Variants in CSNK1E observed in about 807,000 individuals in gnomAD.
CSNK1E encodes the protein casein kinase I isoform epsilon.
In CSNK1E, 17 loss-of-function variants were observed where a neutral mutation model predicts 46.1. The observed-to-expected ratio is 0.37, with a 90% CI of 0.25 to 0.55. The LOEUF (loss-of-function observed/expected upper bound fraction) is 0.55, where lower values mean the gene tolerates loss of function less well. Ranked by LOEUF, CSNK1E falls within the 20% of genes least tolerant of loss-of-function variation. The pLI, the probability that CSNK1E is intolerant of heterozygous loss-of-function variation, is 0.82. For missense variants in CSNK1E, 386 were observed against 595.4 expected, an observed-to-expected ratio of 0.65 and a Z score of 3.66; for synonymous variants, 241 against 242.6, an observed-to-expected ratio of 0.99 and a Z score of 0.06.
intron 7 of CSNK1E, chr22:38,296,338 G>A (rs913431077): frequency 3.3e-5 from 45 of 1,348,834 alleles, no homozygotes; most frequent in Middle Eastern, 2.7e-4. Context: ...ACTGGACCTC[G>A]GAACACAGTG....
chr22:38,316,897 G>T (rs137963297), intron 1 of CSNK1E: 13,116 of 152,058 alleles, frequency 0.086, 644 homozygotes, highest in East Asian at 0.17. Flanking sequence ...GGCCCAGCGG[G>T]GGGAAGCGGA....
chr22:38,300,451 C>G lies in CSNK1E; in HGVS notation c.565+273G>C, dbSNP rs2092664956. On this transcript the variant is annotated intron_variant, in intron 5 of 10. Coordinates refer to ENST00000396832, the MANE Select transcript of CSNK1E (RefSeq NM_152221.3). The surrounding 1 kb of genome is among the most constrained non-coding windows in gnomAD (Gnocchi z 4.4). ...ACCTTAAGCAACCCATGTTAAACCT[C>G]TGAGCCTGTATCTTCCAGCCTGCAC... Among the ~76,000 whole-genome samples the G allele has an allele frequency of 6.6e-6, 1 of 152,230 alleles. No homozygotes were observed. Among genetic ancestry groups the G allele is most frequent in the African/African-American group, 2.4e-5 (1 of 41,460 alleles).
intron 7 of CSNK1E, chr22:38,296,707 G>A (rs771098036): frequency 6.2e-7 from 1 of 1,609,640 alleles, no homozygotes; most frequent in Non-Finnish European, 8.5e-7. Context: ...AAGAGATCTT[G>A]CTGGCTAGAC....
intron 7 of CSNK1E, chr22:38,297,992 C>T (rs1473876000): frequency 1.1e-5 from 12 of 1,140,488 alleles, no homozygotes; most frequent in East Asian, 9.2e-5. Context: ...CCAGGGGAGC[C>T]GGGCACCTGA....
In CSNK1E at chr22:38,305,080, C is replaced by T. The variant is rs544882522; in HGVS notation, c.77-1832G>A. Among the ~76,000 whole-genome samples the T allele has an allele frequency of 5.3e-4, 71 of 135,096 alleles. 1 individual carries two copies. Among genetic ancestry groups the T allele is most frequent in the African/African-American group, 1.8e-3 (65 of 36,086 alleles). The allele number at this position is 135,096 out of a possible 152,430, so 88.6% of individuals were successfully genotyped here. On this transcript the variant is annotated intron_variant, in intron 2 of 10. Coordinates refer to ENST00000396832, the MANE Select transcript of CSNK1E (RefSeq NM_152221.3). The stretch of plus-strand genomic sequence containing the variant: ...GAGGTTGCAGTGAGCCGAGATTGTG[C>T]CATTGCACGCTAGCCTGGGTGACGG...
intron 4 of CSNK1E, 115 bp downstream of exon 4, chr22:38,302,746 T>G: frequency 1.7e-6 from 2 of 1,201,646 alleles, no homozygotes; most frequent in Non-Finnish European, 2.4e-6. Context: ...CTATAGCCAG[T>G]GGACAAGGTC....
chr22:38,310,633 T>C (rs2092716755), intron 2 of CSNK1E, among the ~76,000 whole-genome samples: 2 of 152,196 alleles, frequency 1.3e-5, no homozygotes, highest in Non-Finnish European at 2.9e-5. Context: ...TTCCCCAGGA[T>C]GCAAGTCTAG....
At chr22:38,306,092 C>G (rs558069157) in intron 2 of CSNK1E, among the ~76,000 whole-genome samples, 15 of 152,170 alleles carry the variant, frequency 9.9e-5, no homozygotes, top group Non-Finnish European at 1.0e-4. Flanking sequence ...TCTCTGCACA[C>G]AAGTGGAAAG....
In CSNK1E at chr22:38,308,328, C is replaced by T. The variant is rs557982601; in HGVS notation, c.77-5080G>A. On this transcript the variant is annotated intron_variant, in intron 2 of 10. Transcript: ENST00000396832. The stretch of plus-strand genomic sequence containing the variant: ...AAAGAGCTTTTGACACATCAATGCT[C>T]GTCACTGGGATGAGCCACACAGGTT... Among the ~76,000 whole-genome samples the T allele has an allele frequency of 1.2e-4, 18 of 152,246 alleles. No homozygotes were observed. The East Asian group carries it at 2.9e-3, about 25-fold the overall frequency.
rs548640778 is a variant in CSNK1E at position 38,298,505 on chromosome 22, G to A, written c.885+281C>T. ...AGGGGGCGCCGCCAGCACCACCCATGCCCTGCTGCGGGCACCCAGGAGGGA... is the reference window on the plus strand; with the variant it reads ...AGGGGGCGCCGCCAGCACCACCCATACCCTGCTGCGGGCACCCAGGAGGGA... On this transcript the variant is annotated intron_variant, in intron 7 of 10. Coordinates refer to ENST00000396832, the MANE Select transcript of CSNK1E (RefSeq NM_152221.3). This position sits in a 1 kb window ranked among gnomAD's most constrained non-coding sequence, Gnocchi z 4.2. The A allele has an allele frequency of 4.5e-6, 2 of 443,754 alleles. No homozygotes were observed. Among genetic ancestry groups the A allele is most frequent in the Admixed American group, 6.9e-5 (2 of 28,828 alleles). The allele number at this position is 443,754 out of a possible 1,614,324, so 27.5% of individuals were successfully genotyped here.
upstream of CSNK1E, among the ~76,000 whole-genome samples, chr22:38,317,628 A>G (rs1332180118): frequency 6.6e-6 from 1 of 151,962 alleles, no homozygotes; most frequent in East Asian, 1.9e-4. Flanking sequence ...GCACACAGAT[A>G]CTGACACCCT....
At position 38,300,997 on chromosome 22, in the gene CSNK1E, T is replaced by C; in HGVS notation, c.337-45A>G. The C allele has an allele frequency of 6.5e-7, 1 of 1,545,248 alleles. No homozygotes were observed. Among genetic ancestry groups the C allele is most frequent in the Non-Finnish European group, 8.9e-7 (1 of 1,118,868 alleles). ...TTTGTTCAACAGAGGGGCCCTTGCC[T>C]AGCACTCTGGGCCAGGCAGGGGCTG... On this transcript the variant is annotated intron_variant, in intron 4 of 10. Coordinates refer to ENST00000396832, the MANE Select transcript of CSNK1E (RefSeq NM_152221.3). The surrounding 1 kb of genome is among the most constrained non-coding windows in gnomAD (Gnocchi z 4.4).
chr22:38,294,213 G>C lies in CSNK1E; in HGVS notation c.1114C>G (p.Arg372Gly). 1 of 1,612,608 alleles carries C rather than the reference G, an allele frequency of 6.2e-7. No individual in the cohort carries two copies. Among genetic ancestry groups the C allele is most frequent in the Non-Finnish European group, 8.5e-7 (1 of 1,179,908 alleles). ...AGCCTCATACTCACCTTCCTCTCCC[G>C]GTCGACCCGCGAGATCGCTCTGGGA... ...TSPRAISRVD[R>G]ERKVSMRLHR... The change falls in exon 9 of 11, where the codon CGG becomes GGG. Residue 372 changes from arginine (R) to glycine (G), a missense_variant. By Grantham distance (125) the Arg-to-Gly change is moderately radical. Transcript: ENST00000396832. The surrounding 1 kb of genome is among the most constrained non-coding windows in gnomAD (Gnocchi z 5.5).
intron 1 of CSNK1E, chr22:38,316,826 C>T (rs1046129634): frequency 6.6e-6 from 1 of 151,898 alleles, no homozygotes; most frequent in Admixed American, 6.5e-5. Flanking sequence ...CCCCAAGCCC[C>T]CTCCCTCAGC....
At position 38,294,245 on chromosome 22, in the gene CSNK1E, T is replaced by C. The variant is rs554602860; in HGVS notation, c.1082A>G (p.Asn361Ser). 10 of 1,611,836 alleles carry C rather than the reference T, an allele frequency of 6.2e-6. No homozygotes were observed. Among genetic ancestry groups the C allele is most frequent in the Admixed American group, 1.7e-5 (1 of 59,988 alleles). ...CCGCGAGATCGCTCTGGGAGAAGTA[T>C]TGCCTGGAGGGAGAGTGGGAAGCCA... The part of the protein sequence containing the change: ...TPASRIQPAG[N>S]TSPRAISRVD... Residue 361 changes from asparagine (N) to serine (S), a missense_variant, in exon 9 of 11, where the codon AAT becomes AGT. Asn to Ser is a conservative substitution (Grantham distance 46, BLOSUM62 1). Around this residue, in one of 2 missense-constraint regions of CSNK1E, gnomAD observed 174 missense variants for 185.2 expected, o/e 0.94. Coordinates refer to ENST00000396832, the MANE Select transcript of CSNK1E (RefSeq NM_152221.3). This position sits in a 1 kb window ranked among gnomAD's most constrained non-coding sequence, Gnocchi z 5.5.
chr22:38,295,036 G>T (rs989307375), intron 7 of CSNK1E, among the ~76,000 whole-genome samples: 1 of 152,326 alleles, frequency 6.6e-6, no homozygotes, highest in Admixed American at 6.5e-5. Context: ...CTAGGACTCA[G>T]ACCAGCTCTC....
At position 38,315,347 on chromosome 22, in the gene CSNK1E, G is replaced by T. The variant is rs549723341; in HGVS notation, c.-12-1178C>A. Among the ~76,000 whole-genome samples the T allele has an allele frequency of 5.3e-5, 8 of 152,354 alleles. No individual in the cohort carries two copies. The East Asian group carries it at 9.7e-4, about 18-fold the overall frequency. On this transcript the variant is annotated intron_variant, in intron 1 of 10. Coordinates refer to ENST00000396832, the MANE Select transcript of CSNK1E (RefSeq NM_152221.3). Reference sequence around the variant, plus strand: ...AGTGGGCAGATCCCAGGAGAGACAGGGAACCCCGGCACCTGGCTCCCAAGG... The same window carrying T: ...AGTGGGCAGATCCCAGGAGAGACAGTGAACCCCGGCACCTGGCTCCCAAGG...
chr22:38,316,193 C>T (rs918276192), intron 1 of CSNK1E, among the ~76,000 whole-genome samples: 6 of 152,184 alleles, frequency 3.9e-5, no homozygotes, highest in Admixed American at 3.9e-4. Flanking sequence ...AACTACCAAC[C>T]AGCATGGCAC....
chr22:38,297,601 A>T, intron 7 of CSNK1E: 2 of 997,286 alleles, frequency 2.0e-6, no homozygotes, highest in African/African-American at 3.5e-5. Flanking sequence ...GCACACCAGG[A>T]TGAAGCAAGA....
Sources: gnomAD v4.1 joint callset for allele counts (sites outside exome capture counted in the v4.1 genomes callset) on GRCh38, gnomAD v4.1.1 for gene constraint, gnomAD v4.1.1 regional missense constraint, Gnocchi (gnomAD v3.1) non-coding constraint, MANE v1.5 for transcripts, NCBI Gene and HGNC (gene_info 2026-07-23, HGNC 2026-07-21) for gene names.